DOCK10: variants seen among roughly 807,000 people sequenced by gnomAD.
The protein encoded by DOCK10 is dedicator of cytokinesis 10.
Under a neutral mutation model 280.1 loss-of-function variants are expected in DOCK10, and 145 were observed. The ratio of observed to expected loss-of-function variants is 0.52; its 90% CI spans 0.45 to 0.59. The LOEUF (loss-of-function observed/expected upper bound fraction) is 0.59. Among genes scored for constraint, DOCK10 ranks in the 20% least tolerant of loss-of-function variants. The pLI is 0.00. For missense variants in DOCK10, 2,368 were observed against 2,651.7 expected (o/e 0.89, Z 2.35); for synonymous variants, 915 against 942.2 (o/e 0.97, Z 0.53).
chr2:225,017,709 A>AC (rs141997191), intron 1 of DOCK10, among the ~76,000 whole-genome samples: 10,863 of 112,176 alleles, frequency 0.097, 786 homozygotes, highest in East Asian at 0.24. Context: ...CTGTTCCAAA[A>AC]AAAAAAAAAA....
chr2:224,773,972 A>G (rs923701596), intron 52 of DOCK10, among the ~76,000 whole-genome samples: 8 of 152,326 alleles, frequency 5.3e-5, no homozygotes, highest in Non-Finnish European at 7.4e-5. Flanking sequence ...AAGCTTCCAC[A>G]GCAACTTGTA....
chr2:224,767,537 G>GT (rs1357127907), intron 55 of DOCK10, among the ~76,000 whole-genome samples: 2 of 152,110 alleles, frequency 1.3e-5, no homozygotes, highest in South Asian at 2.1e-4. Context: ...TAAAGACTAT[G>GT]TTTTTTTAAA....
chr2:224,844,378 C>G (rs1347651213), intron 22 of DOCK10, among the ~76,000 whole-genome samples: 1 of 152,204 alleles, frequency 6.6e-6, no homozygotes, highest in Non-Finnish European at 1.5e-5. Flanking sequence ...AATCTGCCCG[C>G]CTCGGCCTCC....
intron 41 of DOCK10, 69 bp downstream of exon 41, chr2:224,800,078 GTTTT>G: frequency 1.2e-6 from 1 of 863,860 alleles, no homozygotes; most frequent in Non-Finnish European, 1.8e-6. Context: ...AAAAAACCAT[GTTTT>G]TGACTTCACA....
intron 1 of DOCK10, among the ~76,000 whole-genome samples, chr2:225,028,066 C>G (rs1005973341): frequency 2.6e-5 from 4 of 152,138 alleles, no homozygotes; most frequent in Non-Finnish European, 5.9e-5. Context: ...ACAAAGATGT[C>G]CACACCCTAA....
rs1691751345 is a variant in DOCK10, at chr2:224,786,677, A to G, written c.5655+345T>C. 6.6e-6 allele frequency among the ~76,000 whole-genome samples: 1 copy of G among 152,230 alleles called. No individual in the cohort carries two copies. Among genetic ancestry groups the G allele is most frequent in the Non-Finnish European group, 1.5e-5 (1 of 68,040 alleles). On this transcript the variant is annotated intron_variant, in intron 50 of 55. Coordinates refer to ENST00000258390, the MANE Select transcript of DOCK10 (RefSeq NM_014689.3). The surrounding 1 kb of genome is among the most constrained non-coding windows in gnomAD (Gnocchi z 4.7). The stretch of plus-strand genomic sequence containing the variant: ...TATTAGGAATGTTATTTCTTAAAAC[A>G]TATTCAATTTAATTTCACTTTAATA...
intron 1 of DOCK10, chr2:224,982,336 T>C: frequency 8.1e-7 from 1 of 1,232,004 alleles, no homozygotes; most frequent in East Asian, 3.2e-5. Context: ...AACGAAAAGC[T>C]TGAAGCAGAA....
At chr2:224,935,685 C>T (rs974763185) in intron 1 of DOCK10, among the ~76,000 whole-genome samples, 4 of 152,230 alleles carry the variant, frequency 2.6e-5, no homozygotes, top group African/African-American at 9.6e-5. Flanking sequence ...AGAGCCCACA[C>T]GTAAAATCCT....
chr2:224,779,218 G>GT (rs1223768909), intron 50 of DOCK10, among the ~76,000 whole-genome samples: 1 of 136,896 alleles, frequency 7.3e-6, no homozygotes, highest in Non-Finnish European at 1.5e-5. Flanking sequence ...AGGATATCTG[G>GT]TTTCTTTTTT....
chr2:225,007,288 G>C (rs1002461090), intron 1 of DOCK10, among the ~76,000 whole-genome samples: 3 of 152,158 alleles, frequency 2.0e-5, no homozygotes, highest in Non-Finnish European at 2.9e-5. Context: ...CCAGAAGGTG[G>C]TTTCTAGCAG....
At chr2:224,778,474 A>T (rs926688523) in intron 50 of DOCK10, 190 bp from the exon 51 acceptor site, 2 of 651,742 alleles carry the variant, frequency 3.1e-6, no homozygotes, top group Non-Finnish European at 5.5e-6. Context: ...TCTTATAATC[A>T]GACATTAATG....
At chr2:224,945,404 G>A (rs542371253) in intron 1 of DOCK10, among the ~76,000 whole-genome samples, 2 of 152,092 alleles carry the variant, frequency 1.3e-5, no homozygotes, top group Non-Finnish European at 2.9e-5. Flanking sequence ...GCATATTCCA[G>A]TTATGAAATA....
At position 224,864,558 on chromosome 2, in the gene DOCK10, T is replaced by A; in HGVS notation, c.1597A>T (p.Asn533Tyr). 4 of 1,591,968 alleles carry A rather than the reference T, an allele frequency of 2.5e-6. No individual in the cohort carries two copies. The highest frequency in any genetic ancestry group is 3.4e-6 in the Non-Finnish European group (4 of 1,173,794). ...AEPYIKNPDS[N>Y]KYAQKILKSN... The stretch of plus-strand genomic sequence containing the variant: ...TTTATAAGATTATACATTACCTTGT[T>A]GGAGTCTGGGTTCTTAATATAAGGT... Residue 533 changes from asparagine (N) to tyrosine (Y), a missense_variant, in exon 13 of 56, where the codon AAC becomes TAC. Coordinates refer to ENST00000258390, the MANE Select transcript of DOCK10 (RefSeq NM_014689.3).
chr2:224,771,990 A>G (rs1270596838), intron 53 of DOCK10, among the ~76,000 whole-genome samples: 1 of 151,278 alleles, frequency 6.6e-6, no homozygotes, highest in African/African-American at 2.4e-5. Flanking sequence ...GCATGATCTC[A>G]GCTCACTGCA....
intron 1 of DOCK10, among the ~76,000 whole-genome samples, chr2:225,021,892 A>G (rs1689792502): frequency 6.6e-6 from 1 of 152,206 alleles, no homozygotes; most frequent in Admixed American, 6.5e-5. Flanking sequence ...ATTTCACCAT[A>G]TAACTAAGAT....
intron 3 of DOCK10, among the ~76,000 whole-genome samples, chr2:224,908,607 C>T (rs1351971533): frequency 6.6e-6 from 1 of 152,222 alleles, no homozygotes; most frequent in Non-Finnish European, 1.5e-5. Flanking sequence ...AGCCATCCTC[C>T]TGCATCGGCC....
intron 1 of DOCK10, among the ~76,000 whole-genome samples, chr2:224,956,889 C>A (rs779430959): frequency 1.7e-4 from 26 of 152,322 alleles, no homozygotes; most frequent in Non-Finnish European, 3.5e-4. Context: ...CCAGCTGGAT[C>A]ACACCGCATG....
rs558068337 is a variant in DOCK10, at chr2:224,994,585, C to T, written c.123+47667G>A. 2.6e-5 allele frequency among the ~76,000 whole-genome samples: 4 copies of T among 152,318 alleles called. No individual in the cohort carries two copies. In the South Asian group the frequency reaches 6.2e-4, roughly 24 times the overall value. On this transcript the variant is annotated intron_variant, in intron 1 of 55. Coordinates refer to ENST00000258390, the MANE Select transcript of DOCK10 (RefSeq NM_014689.3). ...ATTGCTTCTTTCTAGCAGCTTCTATCTTAGTATGGTCTGACACTTAATCAT... is the reference window on the plus strand; with the variant it reads ...ATTGCTTCTTTCTAGCAGCTTCTATTTTAGTATGGTCTGACACTTAATCAT...
In DOCK10 at chr2:224,865,098, A is replaced by G. The variant is rs748654601; in HGVS notation, c.1258-11T>C. The stretch of plus-strand genomic sequence containing the variant: ...AAAAAAAGGCTCAATCTGCATGAAA[A>G]AGAAAGAACAGATGTTTTTGATATA... On this transcript the variant is annotated splice_polypyrimidine_tract_variant and intron_variant, in intron 11 of 55. Transcript: ENST00000258390. The G allele has an allele frequency of 2.3e-5, 37 of 1,610,668 alleles. 1 individual carries two copies. The South Asian group carries it at 4.0e-4, about 17-fold the overall frequency.
Sources: allele counts gnomAD v4.1 joint callset (sites outside exome capture counted in the v4.1 genomes callset), GRCh38; gene constraint gnomAD v4.1.1; non-coding constraint Gnocchi (gnomAD v3.1); transcripts MANE v1.5; gene names NCBI Gene and HGNC (gene_info 2026-07-23, HGNC 2026-07-21).